USF3: variants seen among roughly 807,000 people sequenced by gnomAD.
The protein encoded by USF3 is basic helix-loop-helix domain-containing protein USF3.
USF3 carries 29 observed loss-of-function variants against 157.5 expected under a neutral mutation model. The ratio of observed to expected loss-of-function variants is 0.18; its 90% CI spans 0.14 to 0.25. The LOEUF (loss-of-function observed/expected upper bound fraction) is 0.25, where lower values mean the gene tolerates loss of function less well. USF3 is among the 10% of genes least tolerant of loss of function. The pLI, the probability that USF3 is intolerant of heterozygous loss-of-function variation, is 1.00. For missense variants in USF3, 2,381 were observed against 2,667.6 expected (o/e 0.89, Z 2.37); for synonymous variants, 893 against 941.4 (o/e 0.95, Z 0.94).
intron 1 of USF3, among the ~76,000 whole-genome samples, chr3:113,696,105 A>AG (rs1707791862): frequency 6.6e-6 from 1 of 152,140 alleles, no homozygotes; most frequent in Admixed American, 6.5e-5. Flanking sequence ...GCTGGGGCGC[A>AG]GTGCGAGCCC....
rs1402463199 is a variant in USF3 at position 113,652,627 on chromosome 3, C to T, written c.*2317G>A. ...GAGGTATTCACTGGAGTTAACTGCT[C>T]TGACCAACCCTTAGGAAGCTTTTTA... On this transcript the variant is annotated 3_prime_UTR_variant, in exon 7 of 7. Coordinates refer to ENST00000316407, the MANE Select transcript of USF3 (RefSeq NM_001009899.4). 2 of 151,856 alleles carry T rather than the reference C, an allele frequency of 1.3e-5. No homozygotes were observed. The highest frequency in any genetic ancestry group is 2.9e-5 in the Non-Finnish European group (2 of 68,336). 9.4% of individuals were successfully genotyped at this position (151,856 alleles called of 1,614,324 possible). A position where few individuals can be genotyped will look rare whatever the true frequency, so the allele number is the denominator to read the frequency against.
chr3:113,675,279 C>A (rs1357771181), intron 2 of USF3, among the ~76,000 whole-genome samples: 1 of 152,030 alleles, frequency 6.6e-6, no homozygotes, highest in Admixed American at 6.5e-5. Context: ...AAGTGTTATA[C>A]AGAATTTAAA....
In USF3 at chr3:113,657,338, T is replaced by G; in HGVS notation, c.4344A>C (p.Gln1448His). The G allele has an allele frequency of 6.2e-7, 1 of 1,613,762 alleles. No individual in the cohort carries two copies. The highest frequency in any genetic ancestry group is 8.5e-7 in the Non-Finnish European group (1 of 1,179,832). ...GGTTACTATGAAGGTGAGATACACC[T>G]TGAGCTGGAACATGCTGCTGCAGGG... ...LQALQQHVPA[Q>H]GVSHLHSNHL... is the part of the protein sequence containing the mutation. Residue 1448 changes from glutamine (Q) to histidine (H), a missense_variant, in exon 7 of 7, where the codon CAA becomes CAC. Coordinates refer to ENST00000316407, the MANE Select transcript of USF3 (RefSeq NM_001009899.4).
rs1415229837 is a variant in USF3, at chr3:113,655,700, T to C, written c.5982A>G (p.Glu1994=). 6.2e-7 allele frequency: 1 copy of C among 1,613,906 alleles called. No homozygotes were observed. The highest frequency in any genetic ancestry group is 8.5e-7 in the Non-Finnish European group (1 of 1,179,886). ...DSSGSKIRQP[E]RNRSGNQRQS... ...GCCTTTGGTTTCCAGAACGATTCCTTTCAGGCTGACGAATTTTGGAACCAC... is the reference window on the plus strand; with the variant it reads ...GCCTTTGGTTTCCAGAACGATTCCTCTCAGGCTGACGAATTTTGGAACCAC... Residue 1994 remains glutamate, a synonymous_variant, in exon 7 of 7, where the codon GAA becomes GAG. Transcript: ENST00000316407.
Position 113,675,230 on chromosome 3 carries a change from G to A in USF3, c.-18-334C>T, listed in dbSNP as rs78180533. ...AGCAAGAGCTGGAAAGATAGGTAGA[G>A]CATAGTTGAGTTGGGAGAGTATGCT... On this transcript the variant is annotated intron_variant, in intron 2 of 6. Transcript: ENST00000316407. Among the ~76,000 whole-genome samples, 593 of 152,244 alleles carry A rather than the reference G, an allele frequency of 3.9e-3. 4 individuals carry two copies. The highest frequency in any genetic ancestry group is 0.013 in the African/African-American group (560 of 41,532).
At chr3:113,683,715 C>T (rs1312553372) in intron 1 of USF3, among the ~76,000 whole-genome samples, 2 of 152,102 alleles carry the variant, frequency 1.3e-5, no homozygotes, top group African/African-American at 2.4e-5. Flanking sequence ...GATTTGCCCA[C>T]CTTGGCCTCC....
intron 1 of USF3, among the ~76,000 whole-genome samples, chr3:113,688,212 G>A (rs750507714): frequency 8.6e-5 from 13 of 151,720 alleles, no homozygotes; most frequent in Non-Finnish European, 7.4e-5. Context: ...TCCACCTCCC[G>A]GGTTAAAGTG....
chr3:113,689,598 T>G (rs1707640399), intron 1 of USF3, among the ~76,000 whole-genome samples: 1 of 152,204 alleles, frequency 6.6e-6, no homozygotes, highest in Admixed American at 6.5e-5. Flanking sequence ...AGGATTTTCC[T>G]CATGTTAAAC....
intron 1 of USF3, among the ~76,000 whole-genome samples, chr3:113,684,617 C>A (rs1006561698): frequency 2.0e-5 from 3 of 152,086 alleles, no homozygotes; most frequent in African/African-American, 7.2e-5. Context: ...CTCCTTGATC[C>A]ATTCTACTGT....
chr3:113,666,800 G>A (rs965937803), intron 5 of USF3, among the ~76,000 whole-genome samples: 2 of 151,048 alleles, frequency 1.3e-5, no homozygotes, highest in Non-Finnish European at 2.9e-5. Flanking sequence ...ATGTTAACCA[G>A]GATGGTCGTG....
chr3:113,680,049 TTTTC>T (rs1707374298), intron 1 of USF3, among the ~76,000 whole-genome samples: 3 of 137,744 alleles, frequency 2.2e-5, no homozygotes, highest in Non-Finnish European at 4.9e-5. Context: ...TGGCCTGTAG[TTTTC>T]TTTTTTTTTT....
chr3:113,690,316 T>C (rs1331485308), intron 1 of USF3, among the ~76,000 whole-genome samples: 1 of 152,246 alleles, frequency 6.6e-6, no homozygotes, highest in Non-Finnish European at 1.5e-5. Flanking sequence ...GTCTTTGTTA[T>C]TGCCCTCAGC....
intron 5 of USF3, among the ~76,000 whole-genome samples, chr3:113,668,363 G>C (rs982510015): frequency 6.6e-6 from 1 of 151,072 alleles, no homozygotes; most frequent in Non-Finnish European, 1.5e-5. Flanking sequence ...CCAGCTCCCA[G>C]AATAATAGCA....
intron 1 of USF3, among the ~76,000 whole-genome samples, chr3:113,681,452 G>C (rs1707425280): frequency 6.6e-6 from 1 of 151,532 alleles, no homozygotes; most frequent in Non-Finnish European, 1.5e-5. Context: ...TAATTTCCCT[G>C]TATTCACATA....
rs778684858 is a variant in USF3 at position 113,661,387 on chromosome 3, T to G, written c.295A>C (p.Ile99Leu). 4.4e-6 allele frequency: 7 copies of G among 1,578,728 alleles called. No homozygotes were observed. The Admixed American group carries it at 1.4e-4, about 31-fold the overall frequency. Residue 99 changes from isoleucine to leucine, a missense_variant, in exon 7 of 7, where the codon ATC (isoleucine) becomes CTC (leucine). Ile to Leu is a conservative substitution (Grantham distance 5). Coordinates refer to ENST00000316407, the MANE Select transcript of USF3 (RefSeq NM_001009899.4). ...ATATATCGGCCATTTTCTTTTTGGA[T>G]TTCTTCCAGTTGTTTCCGTAGCTTT... ...IKKLRKQLEEIQKENGRYIEL... is the reference protein window; with the variant it reads ...IKKLRKQLEELQKENGRYIEL...
At chr3:113,678,265 G>T (rs1707328148) in intron 1 of USF3, among the ~76,000 whole-genome samples, 2 of 152,028 alleles carry the variant, frequency 1.3e-5, no homozygotes, top group African/African-American at 4.8e-5. Flanking sequence ...CAGCCCTTTT[G>T]AAAGTCTGCA....
In USF3 at chr3:113,657,263, T is replaced by TTGCTTC; in HGVS notation, c.4418_4419insGAAGCA (p.Gln1473_Gln1474insLysGln). ...ACTGCCCTGCTTGTTGTTGTTGCTG[T>TTGCTTC]TGCTGCTGCTGCTGCTGCTGCTGCT... On this transcript the variant is annotated inframe_insertion, in exon 7 of 7. Transcript: ENST00000316407. The TTGCTTC allele has an allele frequency of 6.3e-7, 1 of 1,582,170 alleles. No homozygotes were observed.
Position 113,656,535 on chromosome 3 carries a change from T to C in USF3, c.5147A>G (p.Asn1716Ser). ...VPRNKSLAIH[N>S]MQGRVDHTVA... ...AGTATGGTCCACACGACCCTGCATA[T>C]TATGAATAGCCAAACTCTTATTTCT... The change falls in exon 7 of 7, where the codon AAT (asparagine) becomes AGT (serine). Residue 1716 changes from asparagine to serine, a missense_variant. Asn to Ser is a conservative substitution (Grantham distance 46, BLOSUM62 1). Transcript: ENST00000316407. The C allele has an allele frequency of 6.2e-7, 1 of 1,614,208 alleles. No homozygotes were observed. Among genetic ancestry groups the C allele is most frequent in the Non-Finnish European group, 8.5e-7 (1 of 1,180,036 alleles).
intron 1 of USF3, among the ~76,000 whole-genome samples, chr3:113,695,441 G>A (rs1332383652): frequency 6.6e-6 from 1 of 152,214 alleles, no homozygotes; most frequent in Non-Finnish European, 1.5e-5. Flanking sequence ...ATATGTTTCA[G>A]GATCCATGTA....
Sources: allele counts gnomAD v4.1 joint callset (sites outside exome capture counted in the v4.1 genomes callset), GRCh38; gene constraint gnomAD v4.1.1; transcripts MANE v1.5; gene names NCBI Gene and HGNC (gene_info 2026-07-23, HGNC 2026-07-21).